The following SLC19A1 variants were observed in gnomAD, a reference collection of about 807,000 sequenced individuals.
SLC19A1 encodes reduced folate transporter.
Under a neutral mutation model 35.3 loss-of-function variants are expected in SLC19A1, and 37 were observed. The ratio of observed to expected loss-of-function variants is 1.05; its 90% CI spans 0.81 to 1.38. The LOEUF (loss-of-function observed/expected upper bound fraction) is 1.38, where lower values mean the gene tolerates loss of function less well. Among genes scored for constraint, SLC19A1 ranks in the 40% most tolerant of loss-of-function variants. The pLI is 0.00. For missense variants in SLC19A1, 831 were observed against 826.9 expected (o/e 1.00, Z -0.06); for synonymous variants, 460 against 398.5 (o/e 1.15, Z -1.84).
downstream of SLC19A1, chr21:45,507,739 G>C: frequency 1.3e-6 from 1 of 779,998 alleles, no homozygotes; most frequent in Middle Eastern, 2.5e-4. Flanking sequence ...TGCAGAAACT[G>C]GTGCAGGACA....
intron 4 of SLC19A1, among the ~76,000 whole-genome samples, chr21:45,529,835 CTGTG>C (rs1201398551): frequency 3.1e-5 from 4 of 129,384 alleles, no homozygotes; most frequent in Non-Finnish European, 5.0e-5. Context: ...TGTGGTGTGT[CTGTG>C]TGGTGTGTGT....
At chr21:45,537,719 T>TGGGGGGGGGGCCCCCCCCCCCCCCC in intron 2 of SLC19A1, 52 bp downstream of exon 2, 4 of 319,776 alleles carry the variant, frequency 1.3e-5, no homozygotes, top group Non-Finnish European at 2.3e-5. Flanking sequence ...CAGACGCTGC[T>TGGGGGGGGGGCCCCCCCCCCCCCCC]CCCCGCCCAC....
chr21:45,512,646 T>A lies in SLC19A1; in HGVS notation c.*3012A>T. 1.8e-6 allele frequency: 1 copy of A among 568,688 alleles called. No homozygotes were observed. The highest frequency in any genetic ancestry group is 2.0e-5 in the South Asian group (1 of 50,048). The allele number at this position is 568,688 out of a possible 1,614,324, so 35.2% of individuals were successfully genotyped here. Reference sequence around the variant, plus strand: ...CTCTCCCCTGACCTGTGAGCCCAGCTGGGTCAGGCAGGGTGCAGTATCATG... The same window carrying A: ...CTCTCCCCTGACCTGTGAGCCCAGCAGGGTCAGGCAGGGTGCAGTATCATG... On this transcript the variant is annotated 3_prime_UTR_variant, in exon 6 of 6. Coordinates refer to ENST00000311124, the MANE Select transcript of SLC19A1 (RefSeq NM_194255.4).
Position 45,505,468 on chromosome 21 carries a change from C to T in SLC19A1, c.498-6856G>A, listed in dbSNP as rs374689646. The T allele has an allele frequency of 1.9e-4, 215 of 1,115,318 alleles. 1 individual carries two copies. Among genetic ancestry groups the T allele is most frequent in the Admixed American group, 2.8e-4 (14 of 50,812 alleles). 69.1% of individuals were successfully genotyped at this position (1,115,318 alleles called of 1,614,324 possible). A position where few individuals can be genotyped will look rare whatever the true frequency, so the allele number is the denominator to read the frequency against. The stretch of plus-strand genomic sequence containing the variant: ...GGCAGCCGGCTGGGCACCTGCGTCC[C>T]GTGCCCTGGCTGGTTCTGCAGCCCC... On this transcript the variant is annotated intron_variant, in intron 3 of 4. Transcript: ENST00000417954.
At chr21:45,504,907 C>T (rs1004982744) in intron 3 of SLC19A1, among the ~76,000 whole-genome samples, 4 of 124,804 alleles carry the variant, frequency 3.2e-5, no homozygotes, top group East Asian at 2.4e-4. Flanking sequence ...CCTGGGGGCC[C>T]ACACTGTTGT....
chr21:45,558,617 G>C (rs377665429), intron 1 of SLC19A1, among the ~76,000 whole-genome samples: 31 of 152,234 alleles, frequency 2.0e-4, no homozygotes, highest in Middle Eastern at 3.4e-3. Context: ...TTTGAGCGAG[G>C]GCAGGCACAG....
In SLC19A1 at chr21:45,534,253, T is replaced by C. The variant is rs1429362277; in HGVS notation, c.190-2105A>G. Among the ~76,000 whole-genome samples the C allele has an allele frequency of 6.6e-6, 1 of 152,152 alleles. No homozygotes were observed. Among genetic ancestry groups the C allele is most frequent in the Non-Finnish European group, 1.5e-5 (1 of 68,002 alleles). On this transcript the variant is annotated intron_variant, in intron 2 of 5. Transcript: ENST00000311124. This position sits in a 1 kb window ranked among gnomAD's most constrained non-coding sequence, Gnocchi z 4.2. ...TCTGTGGGCAAGCTCTCCTGGCTGA[T>C]GGCCTGCTCGACTGGGGGAGGCTCC...
intron 1 of SLC19A1, among the ~76,000 whole-genome samples, chr21:45,557,311 G>A (rs780325351): frequency 7.9e-5 from 12 of 152,196 alleles, no homozygotes; most frequent in African/African-American, 1.7e-4. Context: ...CCTTGGCCTC[G>A]TGACACCCTG....
upstream of SLC19A1, among the ~76,000 whole-genome samples, chr21:45,548,941 T>C (rs543343170): frequency 6.6e-6 from 1 of 152,288 alleles, no homozygotes; most frequent in South Asian, 2.1e-4. Context: ...TATATGGGGA[T>C]GTGAAATGTT....
intron 1 of SLC19A1, 81 bp from the exon 2 acceptor site, chr21:45,538,089 G>GCAT (rs2078190502): frequency 1.4e-6 from 1 of 715,474 alleles, no homozygotes; most frequent in Non-Finnish European, 2.2e-6. Flanking sequence ...CCCAGTGCCG[G>GCAT]CCTCCTCGCC....
rs1396428417 is a variant in SLC19A1 at position 45,555,203 on chromosome 21, G to GC, written c.-50+7538dup. Among the ~76,000 whole-genome samples, 29 of 35,850 alleles carry GC rather than the reference G, an allele frequency of 8.1e-4. 2 individuals carry two copies. The East Asian group carries it at 0.013, about 16-fold the overall frequency. 23.5% of individuals were successfully genotyped at this position (35,850 alleles called of 152,430 possible). On this transcript the variant is annotated intron_variant, in intron 1 of 5. Transcript: ENST00000650808. ...CGGTGCAGGGGGCGGCGGGGGCGGCGCAGGGGGCGGTGGGGGGCGCCGGGG... is the reference window on the plus strand; with the variant it reads ...CGGTGCAGGGGGCGGCGGGGGCGGCGCCAGGGGGCGGTGGGGGGCGCCGGGG...
Position 45,516,047 on chromosome 21 carries a change from G to C in SLC19A1, c.1387C>G (p.His463Asp). The C allele has an allele frequency of 6.3e-7, 1 of 1,584,014 alleles. No homozygotes were observed. Among genetic ancestry groups the C allele is most frequent in the Non-Finnish European group, 8.6e-7 (1 of 1,167,034 alleles). ...CCCTGGGCCGGGGGCTGCCGCGGGT[G>C]GTGGCCCCGCTGGCAGTGCCGCAGG... The part of the protein sequence containing the change: ...DGLRHCQRGH[H>D]PRQPPAQGLR... The change falls in exon 6 of 6, where the codon CAC becomes GAC. Residue 463 changes from histidine to aspartate, a missense_variant. His to Asp is a moderately conservative substitution (Grantham distance 81). Coordinates refer to ENST00000311124, the MANE Select transcript of SLC19A1 (RefSeq NM_194255.4).
rs112538558 is a variant in SLC19A1, at chr21:45,534,479, C to A, written c.190-2331G>T. 1.1e-4 allele frequency: 143 copies of A among 1,323,126 alleles called. No homozygotes were observed. The African/African-American group carries it at 1.6e-3, about 15-fold the overall frequency. The allele number at this position is 1,323,126 out of a possible 1,614,324, so 82.0% of individuals were successfully genotyped here. A position where few individuals can be genotyped will look rare whatever the true frequency, so the allele number is the denominator to read the frequency against. ...GGTAGACAGCCAGCAGAGAGGCTCT[C>A]CCCAGACCCCACGGCTCTCTGGAAA... is the stretch of plus-strand genomic sequence containing the variant. On this transcript the variant is annotated intron_variant, in intron 2 of 5. Coordinates refer to ENST00000311124, the MANE Select transcript of SLC19A1 (RefSeq NM_194255.4). This position sits in a 1 kb window ranked among gnomAD's most constrained non-coding sequence, Gnocchi z 4.2.
chr21:45,530,908 A>G lies in SLC19A1; in HGVS notation c.1013T>C (p.Leu338Pro). Residue 338 changes from leucine (L) to proline (P), a missense_variant, in exon 4 of 6, where the codon CTC becomes CCC. Transcript: ENST00000311124. The surrounding 1 kb of genome is among the most constrained non-coding windows in gnomAD (Gnocchi z 5.3). ...CTGCGTGGCCGTGACGCCCGCGATG[A>G]GCAGCTTGGACCAGCGCGCCCAGCG... The part of the protein sequence containing the change: ...KIRWARWSKL[L>P]IAGVTATQAG... 6.8e-7 allele frequency: 1 copy of G among 1,474,490 alleles called. No homozygotes were observed. 91.3% of individuals were successfully genotyped at this position (1,474,490 alleles called of 1,614,324 possible). A position where few individuals can be genotyped will look rare whatever the true frequency, so the allele number is the denominator to read the frequency against.
chr21:45,534,895 G>A lies in SLC19A1; in HGVS notation c.190-2747C>T, dbSNP rs1349781144. On this transcript the variant is annotated intron_variant, in intron 2 of 5. Coordinates refer to ENST00000311124, the MANE Select transcript of SLC19A1 (RefSeq NM_194255.4). The surrounding 1 kb of genome is among the most constrained non-coding windows in gnomAD (Gnocchi z 4.2). ...CCTCCTGCTGCCTGAGCCCAGCGTC[G>A]GCCCTGCTCTCCACAGGTCTTGGTT... 1.3e-5 allele frequency among the ~76,000 whole-genome samples: 2 copies of A among 152,258 alleles called. No homozygotes were observed. Among genetic ancestry groups the A allele is most frequent in the South Asian group, 2.1e-4 (1 of 4,834 alleles).
intron 5 of SLC19A1, among the ~76,000 whole-genome samples, chr21:45,519,824 T>C (rs2077386461): frequency 6.6e-6 from 1 of 151,808 alleles, no homozygotes; most frequent in Non-Finnish European, 1.5e-5. Context: ...AGACAGAAAA[T>C]CCACAAGAAC....
chr21:45,537,937 AC>A lies in SLC19A1; in HGVS notation c.22del (p.Val8TrpfsTer196), dbSNP rs2078183738. 1 of 1,580,650 alleles carries A rather than the reference AC, an allele frequency of 6.3e-7. No homozygotes were observed. The highest frequency in any genetic ancestry group is 8.6e-7 in the Non-Finnish European group (1 of 1,168,128). MVPSSPA[V>X]EKQVPVEPGP... Reference sequence around the variant, plus strand: ...AGGTTCCACGGGCACCTGCTTCTCCACCGCTGGGCTGGAGGGCACCATCCTG... The same window carrying A: ...AGGTTCCACGGGCACCTGCTTCTCCACGCTGGGCTGGAGGGCACCATCCTG... On this transcript the variant is annotated frameshift_variant, in exon 2 of 6. Coordinates refer to ENST00000311124, the MANE Select transcript of SLC19A1 (RefSeq NM_194255.4). LOFTEE classifies it high-confidence loss of function.
upstream of SLC19A1, among the ~76,000 whole-genome samples, chr21:45,543,448 G>T (rs1225684028): frequency 1.3e-5 from 2 of 152,220 alleles, no homozygotes; most frequent in Non-Finnish European, 2.9e-5. Context: ...GGTCCCAGGC[G>T]AGGGGTGAGT....
chr21:45,531,822 C>G lies in SLC19A1; in HGVS notation c.516G>C (p.Gln172His). Residue 172 changes from glutamine to histidine, a missense_variant, in exon 3 of 6, where the codon CAG becomes CAC. Transcript: ENST00000311124. ...AGACTCGGCCCACAGTGACCAGCAG[C>G]TGGCCCAGCACGGAGCTGGTGAACA... Reference protein sequence around the residue: ...LGVFTSSVLGQLLVTVGRVSF... With the variant: ...LGVFTSSVLGHLLVTVGRVSF... 6.3e-7 allele frequency: 1 copy of G among 1,590,044 alleles called. No homozygotes were observed. The highest frequency in any genetic ancestry group is 8.6e-7 in the Non-Finnish European group (1 of 1,168,882).
Sources: gnomAD v4.1 joint callset for allele counts (sites outside exome capture counted in the v4.1 genomes callset) on GRCh38, gnomAD v4.1.1 for gene constraint, Gnocchi (gnomAD v3.1) non-coding constraint, MANE v1.5 for transcripts, NCBI Gene and HGNC (gene_info 2026-07-23, HGNC 2026-07-21) for gene names.